The following MBLAC2 variants were observed in gnomAD, a reference collection of about 807,000 sequenced individuals.
MBLAC2 encodes the protein acyl-coenzyme A thioesterase MBLAC2.
Under a neutral mutation model 23.3 loss-of-function variants are expected in MBLAC2, and 24 were observed. The observed-to-expected ratio is 1.03, with a 90% confidence interval of 0.75 to 1.45. The LOEUF (loss-of-function observed/expected upper bound fraction) is 1.45, where lower values mean the gene tolerates loss of function less well. MBLAC2 is among the 40% of genes most tolerant of loss of function. MBLAC2 has a pLI of 0.00. For synonymous variants in MBLAC2, 162 were observed against 150.9 expected (o/e 1.07, Z -0.54); for missense variants, 358 against 370.0 (o/e 0.97, Z 0.27).
At chr5:90,468,125 T>G (rs1164331105) in intron 1 of MBLAC2, among the ~76,000 whole-genome samples, 1 of 152,216 alleles carries the variant, frequency 6.6e-6, no homozygotes, top group Admixed American at 6.5e-5. Context: ...CTCTTAAGAT[T>G]CTTTCCTTTC....
intron 1 of MBLAC2, among the ~76,000 whole-genome samples, chr5:90,468,231 G>A (rs1397866524): frequency 6.6e-6 from 1 of 152,140 alleles, no homozygotes; most frequent in Non-Finnish European, 1.5e-5. Context: ...GTATTTGGAT[G>A]TCTAGATCTC....
chr5:90,467,584 T>G (rs1750469808), intron 1 of MBLAC2, among the ~76,000 whole-genome samples: 1 of 152,216 alleles, frequency 6.6e-6, no homozygotes, highest in African/African-American at 2.4e-5. Flanking sequence ...TAGGTGAGTT[T>G]CCTGAAGACA....
chr5:90,473,780 G>T, intron 1 of MBLAC2, 59 bp downstream of exon 1: 1 of 1,478,420 alleles, frequency 6.8e-7, no homozygotes, highest in Non-Finnish European at 9.2e-7. Context: ...GCGGCACTCG[G>T]ACAGTCTCTT....
chr5:90,467,606 G>T lies in MBLAC2; in HGVS notation c.455-6054C>A, dbSNP rs182241465. On this transcript the variant is annotated intron_variant, in intron 1 of 1. Transcript: ENST00000316610. ...GTTTCCTGAAGACAGCAGAAACTTGGTTGGTGAATTCTTATCCATTCTGTC... is the reference window on the plus strand; with the variant it reads ...GTTTCCTGAAGACAGCAGAAACTTGTTTGGTGAATTCTTATCCATTCTGTC... 5.4e-3 allele frequency among the ~76,000 whole-genome samples: 822 copies of T among 152,254 alleles called. 3 individuals carry two copies. The highest frequency in any genetic ancestry group is 9.0e-3 in the Non-Finnish European group (611 of 68,016).
intron 1 of MBLAC2, among the ~76,000 whole-genome samples, chr5:90,464,716 T>C (rs940849008): frequency 2.6e-5 from 4 of 152,180 alleles, no homozygotes; most frequent in African/African-American, 7.2e-5. Context: ...ATTCCAGAAA[T>C]ATTAAGTTTG....
intron 1 of MBLAC2, chr5:90,473,588 G>A: frequency 3.0e-6 from 2 of 658,936 alleles, no homozygotes; most frequent in South Asian, 1.7e-5. Context: ...GGGAGGGGGT[G>A]GTGCCGGCTT....
At position 90,460,062 on chromosome 5, in the gene MBLAC2, G is replaced by A. The variant is rs1041253405; in HGVS notation, c.*1105C>T. On this transcript the variant is annotated 3_prime_UTR_variant, in exon 2 of 2. Transcript: ENST00000316610. Reference sequence around the variant, plus strand: ...AAACTAAAACTTTTTACTAAATAGTGGTATAACCTTTTATATGACTTTACG... The same window carrying A: ...AAACTAAAACTTTTTACTAAATAGTAGTATAACCTTTTATATGACTTTACG... 6.6e-6 allele frequency: 1 copy of A among 152,484 alleles called. No homozygotes were observed. Among genetic ancestry groups the A allele is most frequent in the African/African-American group, 2.4e-5 (1 of 41,412 alleles). 9.4% of individuals were successfully genotyped at this position (152,484 alleles called of 1,614,324 possible).
intron 1 of MBLAC2, among the ~76,000 whole-genome samples, chr5:90,469,806 C>T (rs867228831): frequency 2.6e-5 from 4 of 152,120 alleles, no homozygotes; most frequent in Admixed American, 6.6e-5. Flanking sequence ...ACAGCAACTA[C>T]GGAAAATGGT....
intron 1 of MBLAC2, among the ~76,000 whole-genome samples, chr5:90,463,139 A>G (rs1750392798): frequency 6.6e-6 from 1 of 152,260 alleles, no homozygotes; most frequent in Non-Finnish European, 1.5e-5. Context: ...GCTGGAGTGC[A>G]GTGGCGCAAT....
rs774463088 is a variant in MBLAC2 at position 90,461,445 on chromosome 5, C to T, written c.562G>A (p.Gly188Arg). 6.2e-7 allele frequency: 1 copy of T among 1,614,144 alleles called. No homozygotes were observed. Among genetic ancestry groups the T allele is most frequent in the South Asian group, 1.1e-5 (1 of 91,082 alleles). The change falls in exon 2 of 2, where the codon GGA (glycine) becomes AGA (arginine). Residue 188 changes from glycine (G) to arginine (R), a missense_variant. Gly to Arg is a moderately radical substitution (Grantham distance 125). Coordinates refer to ENST00000316610, the MANE Select transcript of MBLAC2 (RefSeq NM_203406.2). ...AGTGATCCATCATACACGACGTCTC[C>T]ACTGAAGAGAATCTTTCGGTCTTTG... is the stretch of plus-strand genomic sequence containing the variant. ...HDKDRKILFS[G>R]DVVYDGSLID...
chr5:90,474,368 T>G lies in MBLAC2; in HGVS notation c.-76A>C. The G allele has an allele frequency of 2.2e-6, 3 of 1,344,090 alleles. No individual in the cohort carries two copies. Among genetic ancestry groups the G allele is most frequent in the South Asian group, 2.5e-5 (2 of 81,546 alleles). 83.3% of individuals were successfully genotyped at this position (1,344,090 alleles called of 1,614,324 possible). A position where few individuals can be genotyped will look rare whatever the true frequency, so the allele number is the denominator to read the frequency against. On this transcript the variant is annotated 5_prime_UTR_variant, in exon 1 of 2. Transcript: ENST00000316610. ...CACAGGCTGTCCACACACAGGGCAC[T>G]GCGGCTGTGTGAAGCGGTCTGCCTG...
At chr5:90,470,785 C>CACACACACACACACACACACAA (rs3220210) in intron 1 of MBLAC2, among the ~76,000 whole-genome samples, 42 of 148,178 alleles carry the variant, frequency 2.8e-4, no homozygotes, top group South Asian at 1.1e-3. Context: ...CACACACACA[C>CACACACACACACACACACACAA]GCTTTCTTTC....
At chr5:90,470,487 AAAG>A in intron 1 of MBLAC2, among the ~76,000 whole-genome samples, 1 of 152,188 alleles carries the variant, frequency 6.6e-6, no homozygotes, top group Non-Finnish European at 1.5e-5. Context: ...CAATTAAAAA[AAAG>A]AAGGGGGGAC....
In MBLAC2 at chr5:90,473,829, G is replaced by T; in HGVS notation, c.454+10C>A. On this transcript the variant is annotated intron_variant, in intron 1 of 1. Transcript: ENST00000316610. ...CTTAACGAGAGCGCGCGCCCGCGGG[G>T]GCCCATTACCATCCTGCAGGATGAG... is the stretch of plus-strand genomic sequence containing the variant. 2 of 1,565,652 alleles carry T rather than the reference G, an allele frequency of 1.3e-6. No homozygotes were observed. The highest frequency in any genetic ancestry group is 8.7e-7 in the Non-Finnish European group (1 of 1,155,084).
chr5:90,474,402 G>T lies in MBLAC2; in HGVS notation c.-110C>A. On this transcript the variant is annotated 5_prime_UTR_variant, in exon 1 of 2. Coordinates refer to ENST00000316610, the MANE Select transcript of MBLAC2 (RefSeq NM_203406.2). The stretch of plus-strand genomic sequence containing the variant: ...GTGAAGCGGTCTGCCTGCAGCCAGG[G>T]AGGAGGCGTAGAGCGAGGCGGGGGC... The T allele has an allele frequency of 3.9e-6, 4 of 1,024,302 alleles. No individual in the cohort carries two copies. The highest frequency in any genetic ancestry group is 1.4e-5 in the South Asian group (1 of 71,828). 63.5% of individuals were successfully genotyped at this position (1,024,302 alleles called of 1,614,324 possible).
Position 90,474,620 on chromosome 5 carries a change from GGA to G in MBLAC2, c.-330_-329del. On this transcript the variant is annotated 5_prime_UTR_variant, in exon 1 of 2. Coordinates refer to ENST00000316610, the MANE Select transcript of MBLAC2 (RefSeq NM_203406.2). ...AACGCAGGGGCCACTGCAGCAGAATGGAGACTCAGGTGGCGACCGTTTCGCCA... is the reference window on the plus strand; with the variant it reads ...AACGCAGGGGCCACTGCAGCAGAATGGACTCAGGTGGCGACCGTTTCGCCA... 1 of 351,990 alleles carries G rather than the reference GGA, an allele frequency of 2.8e-6. No individual in the cohort carries two copies. The highest frequency in any genetic ancestry group is 2.8e-5 in the South Asian group (1 of 36,048). 21.8% of individuals were successfully genotyped at this position (351,990 alleles called of 1,614,324 possible). A position where few individuals can be genotyped will look rare whatever the true frequency, so the allele number is the denominator to read the frequency against.
At chr5:90,473,557 G>C in intron 1 of MBLAC2, 1 of 638,946 alleles carries the variant, frequency 1.6e-6, no homozygotes, top group Non-Finnish European at 2.8e-6. Flanking sequence ...TACTGCTACA[G>C]CCGATGCAGG....
In MBLAC2 at chr5:90,465,562, T is replaced by C. The variant is rs774500243; in HGVS notation, c.455-4010A>G. Among the ~76,000 whole-genome samples, 9 of 152,188 alleles carry C rather than the reference T, an allele frequency of 5.9e-5. 1 individual carries two copies. The highest frequency in any genetic ancestry group is 1.0e-4 in the Non-Finnish European group (7 of 68,024). ...AATAAAGCTAGTACAATTAAGGAAT[T>C]AAAATTTTAATTCTAACCAATCTTA... On this transcript the variant is annotated intron_variant, in intron 1 of 1. Transcript: ENST00000316610.
intron 1 of MBLAC2, among the ~76,000 whole-genome samples, chr5:90,465,184 T>C (rs905238305): frequency 6.6e-6 from 1 of 152,198 alleles, no homozygotes; most frequent in African/African-American, 2.4e-5. Context: ...ATAAACTATA[T>C]TTCTATATGC....
Sources: gnomAD v4.1 joint callset for allele counts (sites outside exome capture counted in the v4.1 genomes callset) on GRCh38, gnomAD v4.1.1 for gene constraint, MANE v1.5 for transcripts, NCBI Gene and HGNC (gene_info 2026-07-23, HGNC 2026-07-21) for gene names.